The following SLC27A2 variants were observed in gnomAD, a reference collection of about 807,000 sequenced individuals.
The protein encoded by SLC27A2 is solute carrier family 27 member 2, also known as long-chain fatty acid transport protein 2.
SLC27A2 carries 54 observed loss-of-function variants against 60.0 expected under a neutral mutation model. That is an observed-to-expected ratio of 0.90 (90% CI 0.72 to 1.13). The LOEUF (loss-of-function observed/expected upper bound fraction) is 1.13. Among genes scored for constraint, SLC27A2 ranks in the 50% most tolerant of loss-of-function variants. The pLI is 0.00. For missense variants in SLC27A2, 739 were observed against 777.6 expected, an observed-to-expected ratio of 0.95 and a Z score of 0.59; for synonymous variants, 297 against 297.6, an observed-to-expected ratio of 1.00 and a Z score of 0.02.
intron 5 of SLC27A2, among the ~76,000 whole-genome samples, chr15:50,225,182 T>C (rs2045270677): frequency 6.6e-6 from 1 of 152,214 alleles, no homozygotes; most frequent in Non-Finnish European, 1.5e-5. Flanking sequence ...GATTGTTTGC[T>C]TCATCACATA....
chr15:50,225,887 T>G, intron 5 of SLC27A2, 101 bp from the exon 6 acceptor site: 1 of 755,994 alleles, frequency 1.3e-6, no homozygotes, highest in Non-Finnish European at 2.1e-6. Flanking sequence ...AATGCAAAAT[T>G]TCTTCAACCT....
intron 7 of SLC27A2, among the ~76,000 whole-genome samples, chr15:50,228,527 C>T (rs983889434): frequency 6.6e-6 from 1 of 151,336 alleles, no homozygotes; most frequent in Non-Finnish European, 1.5e-5. Context: ...GCCGTGAGAC[C>T]CTGAAATAAA....
intron 4 of SLC27A2, 58 bp downstream of exon 4, chr15:50,205,421 A>T (rs140319000): frequency 6.4e-7 from 1 of 1,552,094 alleles, no homozygotes; most frequent in Non-Finnish European, 8.8e-7. Flanking sequence ...AATTCAAGTC[A>T]CTTTGGGTTG....
At chr15:50,196,068 AAAAAAAAAAATATATATATATATATATAT>A (rs1221151586) in intron 1 of SLC27A2, among the ~76,000 whole-genome samples, 8 of 17,198 alleles carry the variant, frequency 4.7e-4, no homozygotes, top group African/African-American at 1.0e-3. Flanking sequence ...AAAAAAAAAA[AAAAAAAAAAATATATATATATATATATAT>A]ATATATATAT....
chr15:50,235,950 C>T lies in SLC27A2; in HGVS notation c.1717C>T (p.His573Tyr). 1 of 1,613,096 alleles carries T rather than the reference C, an allele frequency of 6.2e-7. No homozygotes were observed. ...DTIEITGTFKHRKMTLVEEGF... is the reference protein window; with the variant it reads ...DTIEITGTFKYRKMTLVEEGF... ...CATTGAGATCACTGGAACTTTTAAA[C>T]ACCGCAAAATGACCCTGGTGGAGGA... The change falls in exon 10 of 10, where the codon CAC (histidine) becomes TAC (tyrosine). Residue 573 changes from histidine to tyrosine, a missense_variant. Physicochemically the swap from His to Tyr is moderately conservative, Grantham distance 83. Transcript: ENST00000267842.
At chr15:50,216,666 G>T (rs2045199600) in intron 4 of SLC27A2, among the ~76,000 whole-genome samples, 1 of 125,366 alleles carries the variant, frequency 8.0e-6, no homozygotes, top group Non-Finnish European at 1.7e-5. Flanking sequence ...AGTATAGTTT[G>T]AAGTGAGGTA....
intron 4 of SLC27A2, among the ~76,000 whole-genome samples, chr15:50,211,321 C>A (rs1020281659): frequency 6.6e-6 from 1 of 152,186 alleles, no homozygotes; most frequent in African/African-American, 2.4e-5. Context: ...GTTCAGACAA[C>A]CCCCAGTACC....
chr15:50,212,715 A>G (rs1235276551), intron 4 of SLC27A2, among the ~76,000 whole-genome samples: 3 of 152,236 alleles, frequency 2.0e-5, no homozygotes, highest in African/African-American at 7.2e-5. Flanking sequence ...GAAAAGATAC[A>G]GTCGTTTTCA....
intron 4 of SLC27A2, among the ~76,000 whole-genome samples, chr15:50,213,800 A>G (rs2045174856): frequency 6.6e-6 from 1 of 152,188 alleles, no homozygotes; most frequent in Non-Finnish European, 1.5e-5. Flanking sequence ...CCTCTGGGAT[A>G]CAACAAAGGC....
At position 50,223,180 on chromosome 15, in the gene SLC27A2, G is replaced by A. The variant is rs12441362; in HGVS notation, c.1167+21G>A. 3.4e-3 allele frequency: 5,360 copies of A among 1,573,676 alleles called. 114 individuals carry two copies. In the East Asian group the frequency reaches 0.04, roughly 12 times the overall value. On this transcript the variant is annotated intron_variant, in intron 5 of 9. Transcript: ENST00000267842. ...AGAAAGTAAGTACATTGAAAAATGA[G>A]AGCATACGTAGCCAGTTTTCAGAAT...
chr15:50,186,265 T>G (rs1204902907), intron 1 of SLC27A2, among the ~76,000 whole-genome samples: 1 of 151,946 alleles, frequency 6.6e-6, no homozygotes, highest in African/African-American at 2.4e-5. Context: ...ATAAAATTTC[T>G]GAGATCATCC....
chr15:50,233,605 G>A (rs1432132017), intron 8 of SLC27A2, among the ~76,000 whole-genome samples: 1 of 152,170 alleles, frequency 6.6e-6, no homozygotes, highest in East Asian at 1.9e-4. Flanking sequence ...CTCTTCAGAA[G>A]GTTGTTGTGA....
At chr15:50,202,421 T>A (rs1179117075) in intron 2 of SLC27A2, 66 bp from the exon 3 acceptor site, 12 of 1,525,568 alleles carry the variant, frequency 7.9e-6, no homozygotes, top group Non-Finnish European at 1.1e-5. Context: ...CTAAGCCAGA[T>A]CTCTCTCCTA....
chr15:50,203,276 A>G (rs2045080642), intron 3 of SLC27A2, among the ~76,000 whole-genome samples: 1 of 152,086 alleles, frequency 6.6e-6, no homozygotes, highest in Non-Finnish European at 1.5e-5. Flanking sequence ...GTTAATCTCC[A>G]TCAGCTTTAA....
chr15:50,191,438 G>C (rs1395224509), intron 1 of SLC27A2, among the ~76,000 whole-genome samples: 2 of 152,194 alleles, frequency 1.3e-5, no homozygotes, highest in East Asian at 1.9e-4. Flanking sequence ...CAATGGGCAG[G>C]TGTGAAGGCA....
chr15:50,223,928 AG>A (rs1175058272), intron 5 of SLC27A2, among the ~76,000 whole-genome samples: 2 of 152,238 alleles, frequency 1.3e-5, no homozygotes, highest in African/African-American at 4.8e-5. Context: ...CTGTGTCCCC[AG>A]GGACAGGCCA....
intron 1 of SLC27A2, among the ~76,000 whole-genome samples, chr15:50,196,065 A>AAAT (rs1555500425): frequency 6.0e-4 from 13 of 21,656 alleles, no homozygotes; most frequent in South Asian, 2.3e-3. Context: ...AAAAAAAAAA[A>AAAT]AAAAAAAAAA....
chr15:50,202,709 A>G, intron 3 of SLC27A2, 64 bp downstream of exon 3: 1 of 1,569,994 alleles, frequency 6.4e-7, no homozygotes, highest in Non-Finnish European at 8.7e-7. Flanking sequence ...AAGGAACAGT[A>G]ATACAAAATT....
intron 1 of SLC27A2, among the ~76,000 whole-genome samples, chr15:50,184,031 C>T (rs2044898694): frequency 9.3e-6 from 1 of 107,130 alleles, no homozygotes; most frequent in African/African-American, 3.4e-5. Context: ...CGTTCTGTTG[C>T]CCAGGCTGGA....
Sources: allele counts gnomAD v4.1 joint callset (sites outside exome capture counted in the v4.1 genomes callset), GRCh38; gene constraint gnomAD v4.1.1; transcripts MANE v1.5; gene names NCBI Gene and HGNC (gene_info 2026-07-23, HGNC 2026-07-21).